The following PTPRD variants were observed in gnomAD, a reference collection of about 807,000 sequenced individuals.
PTPRD encodes the protein protein tyrosine phosphatase receptor type D, also known as receptor-type tyrosine-protein phosphatase delta.
A neutral mutation model predicts 214.5 loss-of-function variants in PTPRD; 34 were observed. That is an observed-to-expected ratio of 0.16 (90% CI 0.12 to 0.21). The LOEUF is 0.21. Ranked by LOEUF, PTPRD falls within the 10% of genes least tolerant of loss-of-function variation. The probability of loss-of-function intolerance (pLI) is 1.00; values close to 1 mark genes in which losing one functional copy is unlikely to be tolerated. For missense variants in PTPRD, 2,545 were observed against 2,398.7 expected (o/e 1.06, Z -1.27); for synonymous variants, 1,128 against 845.7 (o/e 1.33, Z -5.79).
chr9:8,921,226 G>C (rs939683464), intron 11 of PTPRD, among the ~76,000 whole-genome samples: 1 of 152,154 alleles, frequency 6.6e-6, no homozygotes, highest in African/African-American at 2.4e-5. Context: ...AGTAGGAACA[G>C]AACTATTATC....
intron 8 of PTPRD, among the ~76,000 whole-genome samples, chr9:9,496,431 C>A (rs2096190438): frequency 6.6e-6 from 1 of 152,030 alleles, no homozygotes; most frequent in Non-Finnish European, 1.5e-5. Context: ...GACATTTCTC[C>A]AACTAGGATA....
chr9:10,286,308 G>T lies in PTPRD; in HGVS notation c.-545+54655C>A, dbSNP rs1408076480. ...AATTCAAAAATTAGCCAGGCATAGT[G>T]ATATGTGCCTGCAGCGACAGTTACT... On this transcript the variant is annotated intron_variant, in intron 3 of 45. Coordinates refer to ENST00000381196, the MANE Select transcript of PTPRD (RefSeq NM_002839.4). Among the ~76,000 whole-genome samples, 4 of 152,112 alleles carry T rather than the reference G, an allele frequency of 2.6e-5. No individual in the cohort carries two copies. In the East Asian group the frequency reaches 7.7e-4, roughly 29 times the overall value.
intron 9 of PTPRD, among the ~76,000 whole-genome samples, chr9:9,323,746 G>A (rs1219293649): frequency 6.6e-6 from 1 of 152,020 alleles, no homozygotes; most frequent in South Asian, 2.1e-4. Context: ...CAATGTGCAG[G>A]TTTGTTACAT....
chr9:8,704,214 A>G (rs952787264), intron 12 of PTPRD, among the ~76,000 whole-genome samples: 8 of 152,144 alleles, frequency 5.3e-5, no homozygotes, highest in African/African-American at 1.7e-4. Context: ...AGAGCCAGCA[A>G]CGTTGTGCAG....
chr9:8,458,261 G>A (rs1352092210), intron 33 of PTPRD, among the ~76,000 whole-genome samples: 1 of 152,078 alleles, frequency 6.6e-6, no homozygotes, highest in Non-Finnish European at 1.5e-5. Context: ...TTAAGCACTT[G>A]CAGATGAAGG....
intron 11 of PTPRD, among the ~76,000 whole-genome samples, chr9:8,982,442 G>A (rs1251357217): frequency 6.6e-6 from 1 of 151,034 alleles, no homozygotes; most frequent in African/African-American, 2.4e-5. Flanking sequence ...TGCTTCCCCA[G>A]CAATTCAATA....
intron 10 of PTPRD, among the ~76,000 whole-genome samples, chr9:9,085,427 C>T (rs544922595): frequency 2.0e-5 from 3 of 152,238 alleles, no homozygotes; most frequent in African/African-American, 7.2e-5. Flanking sequence ...CATATGTAAG[C>T]TTTGACGGGT....
intron 35 of PTPRD, among the ~76,000 whole-genome samples, chr9:8,410,535 C>A (rs1449559704): frequency 1.3e-5 from 2 of 152,130 alleles, no homozygotes; most frequent in Non-Finnish European, 2.9e-5. Context: ...TCCAGGCCAA[C>A]ATTAGAGTGT....
At chr9:8,655,541 A>G (rs916338203) in intron 12 of PTPRD, among the ~76,000 whole-genome samples, 12 of 152,194 alleles carry the variant, frequency 7.9e-5, no homozygotes, top group African/African-American at 2.9e-4. Flanking sequence ...ATTTTAAACA[A>G]CAATATGAAT....
intron 5 of PTPRD, among the ~76,000 whole-genome samples, chr9:9,868,413 T>C (rs1235113346): frequency 6.6e-6 from 1 of 152,118 alleles, no homozygotes; most frequent in Non-Finnish European, 1.5e-5. Context: ...AAGAACACAG[T>C]TCCTGTCATA....
chr9:10,155,130 G>T (rs561734642), intron 3 of PTPRD, among the ~76,000 whole-genome samples: 2 of 152,088 alleles, frequency 1.3e-5, no homozygotes, highest in Non-Finnish European at 2.9e-5. Context: ...TTTGAGCAGT[G>T]TTTTATTGTT....
intron 11 of PTPRD, among the ~76,000 whole-genome samples, chr9:8,986,048 G>A (rs1222405243): frequency 6.6e-6 from 1 of 151,882 alleles, no homozygotes; most frequent in Non-Finnish European, 1.5e-5. Context: ...AACTTTTTGA[G>A]TCTGTTGGAA....
chr9:10,046,680 C>T (rs2097403295), intron 3 of PTPRD, among the ~76,000 whole-genome samples: 1 of 151,806 alleles, frequency 6.6e-6, no homozygotes, highest in African/African-American at 2.4e-5. Context: ...AAACATGGAC[C>T]ACTTACTTGA....
chr9:10,233,326 T>C (rs1419123124), intron 3 of PTPRD, among the ~76,000 whole-genome samples: 1 of 152,022 alleles, frequency 6.6e-6, no homozygotes, highest in African/African-American at 2.4e-5. Flanking sequence ...CCCAGTAAGA[T>C]AAGCTAGATC....
intron 11 of PTPRD, among the ~76,000 whole-genome samples, chr9:8,764,197 T>C (rs1020353845): frequency 2.0e-5 from 3 of 152,210 alleles, no homozygotes; most frequent in Admixed American, 2.0e-4. Context: ...ATGACACGTA[T>C]GTGAAACATG....
chr9:8,643,044 G>T (rs1177288728), intron 12 of PTPRD, among the ~76,000 whole-genome samples: 1 of 152,050 alleles, frequency 6.6e-6, no homozygotes, highest in African/African-American at 2.4e-5. Flanking sequence ...ATTTGAACAG[G>T]GTCACCTGTT....
At chr9:9,871,228 C>T (rs147251790) in intron 5 of PTPRD, among the ~76,000 whole-genome samples, 1 of 152,008 alleles carries the variant, frequency 6.6e-6, no homozygotes, top group Non-Finnish European at 1.5e-5. Flanking sequence ...AATTACAAGT[C>T]AAACAAGAGA....
intron 5 of PTPRD, among the ~76,000 whole-genome samples, chr9:9,805,609 A>G (rs2099068164): frequency 6.6e-6 from 1 of 152,202 alleles, no homozygotes. Context: ...ATACATACTG[A>G]GATTTCTTAA....
At chr9:9,884,793 G>T (rs956661483) in intron 5 of PTPRD, among the ~76,000 whole-genome samples, 1 of 152,124 alleles carries the variant, frequency 6.6e-6, no homozygotes, top group Non-Finnish European at 1.5e-5. Context: ...TTCCCCACTT[G>T]CTTGGCACTT....
Sources: gnomAD v4.1 joint callset for allele counts (sites outside exome capture counted in the v4.1 genomes callset) on GRCh38, gnomAD v4.1.1 for gene constraint, MANE v1.5 for transcripts, NCBI Gene and HGNC (gene_info 2026-07-23, HGNC 2026-07-21) for gene names.